GALNT8: variants seen among roughly 807,000 people sequenced by gnomAD.
GALNT8 encodes probable polypeptide N-acetylgalactosaminyltransferase 8.
Under a neutral mutation model 62.7 loss-of-function variants are expected in GALNT8, and 66 were observed. That is an observed-to-expected ratio of 1.05 (90% CI 0.86 to 1.29). GALNT8 has a LOEUF of 1.29. Among genes scored for constraint, GALNT8 ranks in the 50% most tolerant of loss-of-function variants. GALNT8 has a pLI of 0.00. For synonymous variants in GALNT8, 288 were observed against 294.3 expected, an observed-to-expected ratio of 0.98 and a Z score of 0.22; for missense variants, 771 against 791.8, an observed-to-expected ratio of 0.97 and a Z score of 0.32.
At chr12:4,724,520 C>T (rs1389874583) in intron 1 of GALNT8, among the ~76,000 whole-genome samples, 1 of 152,208 alleles carries the variant, frequency 6.6e-6, no homozygotes, top group Non-Finnish European at 1.5e-5. Context: ...CAAGGAAGAA[C>T]GCAGAGGAGC....
chr12:4,738,284 A>T (rs1430567768), intron 2 of GALNT8, among the ~76,000 whole-genome samples: 1 of 152,234 alleles, frequency 6.6e-6, no homozygotes, highest in East Asian at 1.9e-4. Context: ...CAAAATGGTC[A>T]TAGATGTAAA....
chr12:4,732,557 C>A (rs569701388), intron 2 of GALNT8, among the ~76,000 whole-genome samples: 5 of 81,056 alleles, frequency 6.2e-5, no homozygotes, highest in Middle Eastern at 5.7e-3. Context: ...ATCCAACCAA[C>A]AAACACTTTT....
chr12:4,735,655 C>A (rs1946241306), intron 2 of GALNT8, among the ~76,000 whole-genome samples: 1 of 152,178 alleles, frequency 6.6e-6, no homozygotes, highest in African/African-American at 2.4e-5. Flanking sequence ...ACACGGGGCT[C>A]CAGTTGCCCC....
At chr12:4,771,567 T>A (rs1298766746) in intron 10 of GALNT8, among the ~76,000 whole-genome samples, 2 of 152,174 alleles carry the variant, frequency 1.3e-5, no homozygotes, top group Non-Finnish European at 2.9e-5. Flanking sequence ...GGTGGCAGTT[T>A]GTCTGAAGGG....
chr12:4,725,265 T>G (rs1946189488), intron 1 of GALNT8, among the ~76,000 whole-genome samples: 1 of 152,196 alleles, frequency 6.6e-6, no homozygotes, highest in Non-Finnish European at 1.5e-5. Flanking sequence ...AAGGTGCATA[T>G]GCTAAGATAC....
chr12:4,764,529 G>GGTTT (rs1946389057), intron 9 of GALNT8, among the ~76,000 whole-genome samples: 1 of 99,754 alleles, frequency 1.0e-5, no homozygotes, highest in Non-Finnish European at 2.1e-5. Flanking sequence ...GCAGTCAGGG[G>GGTTT]ATTTTTTTTT....
rs566302412 is a variant in GALNT8 at position 4,720,791 on chromosome 12, G to C, written c.114G>C (p.Thr38=). The change falls in exon 1 of 11, where the codon ACG becomes ACC. Residue 38 remains threonine (T), a synonymous_variant. Coordinates refer to ENST00000252318, the MANE Select transcript of GALNT8 (RefSeq NM_017417.2). ...SSKGTLQNLF[T]GGLHRELPLH... is the part of the protein sequence containing the mutation. ...AGGGGACTTTACAAAACCTGTTTAC[G>C]GGTGGTCTCCACAGGGAGCTTCCTT... 6.2e-7 allele frequency: 1 copy of C among 1,611,544 alleles called. No homozygotes were observed. The highest frequency in any genetic ancestry group is 8.5e-7 in the Non-Finnish European group (1 of 1,177,638).
intron 1 of GALNT8, among the ~76,000 whole-genome samples, chr12:4,725,213 C>T (rs1199794296): frequency 6.6e-6 from 1 of 152,154 alleles, no homozygotes; most frequent in Admixed American, 6.5e-5. Context: ...GTTACTTTTT[C>T]TCTCTTTTTG....
At chr12:4,760,864 T>TAA (rs1946368234) in intron 6 of GALNT8, 94 bp from the exon 7 acceptor site, 3 of 1,051,276 alleles carry the variant, frequency 2.9e-6, no homozygotes, top group Admixed American at 4.2e-5. Flanking sequence ...TTACATTCTT[T>TAA]AAAAACGGCT....
rs1311713010 is a variant in GALNT8 at position 4,764,063 on chromosome 12, T to G, written c.1593+16T>G. On this transcript the variant is annotated intron_variant, in intron 9 of 10. Transcript: ENST00000252318. ...CAGCTCACAGGTATCTTCCACAATC[T>G]TCCTGGCCCTGCCTGGGCAAGTCTG... The G allele has an allele frequency of 2.2e-6, 3 of 1,385,216 alleles. No individual in the cohort carries two copies. Among genetic ancestry groups the G allele is most frequent in the Non-Finnish European group, 3.1e-6 (3 of 970,092 alleles). 85.8% of individuals were successfully genotyped at this position (1,385,216 alleles called of 1,614,324 possible).
chr12:4,736,906 T>C (rs547843526), intron 2 of GALNT8, among the ~76,000 whole-genome samples: 12 of 152,288 alleles, frequency 7.9e-5, no homozygotes, highest in African/African-American at 2.9e-4. Context: ...TGGTAATGAC[T>C]TCAAAGACAT....
intron 6 of GALNT8, among the ~76,000 whole-genome samples, chr12:4,758,643 A>AGAG (rs1555070246): frequency 2.9e-5 from 2 of 68,222 alleles, no homozygotes; most frequent in African/African-American, 9.0e-5. Flanking sequence ...TGTGTGAGAG[A>AGAG]GAGAGAGAGA....
At chr12:4,759,083 T>G (rs865785242) in intron 6 of GALNT8, among the ~76,000 whole-genome samples, 30 of 152,184 alleles carry the variant, frequency 2.0e-4, no homozygotes, top group Non-Finnish European at 4.4e-5. Context: ...GCCTCAGCAA[T>G]CTTGACTTTT....
chr12:4,738,086 C>T (rs1946253676), intron 2 of GALNT8, among the ~76,000 whole-genome samples: 1 of 152,212 alleles, frequency 6.6e-6, no homozygotes. Flanking sequence ...TTAGCTCCCT[C>T]TATCCTTTTA....
rs187819751 is a variant in GALNT8 at position 4,753,970 on chromosome 12, C to T, written c.1174-6988C>T. The stretch of plus-strand genomic sequence containing the variant: ...CACCTTGATGGTCTTGGATAAGATC[C>T]GGGAGAATCCTGTGGATTACCAGGC... On this transcript the variant is annotated intron_variant, in intron 6 of 10. Transcript: ENST00000252318. 2.8e-4 allele frequency among the ~76,000 whole-genome samples: 42 copies of T among 152,286 alleles called. 1 individual carries two copies. Among genetic ancestry groups the T allele is most frequent in the African/African-American group, 8.7e-4 (36 of 41,552 alleles).
At chr12:4,758,649 A>T (rs1437660358) in intron 6 of GALNT8, among the ~76,000 whole-genome samples, 14 of 149,472 alleles carry the variant, frequency 9.4e-5, no homozygotes, top group African/African-American at 3.5e-4. Flanking sequence ...AGAGAGAGAG[A>T]GAGAGAGAGA....
At chr12:4,727,566 T>G (rs1431613910) in intron 2 of GALNT8, among the ~76,000 whole-genome samples, 1 of 152,238 alleles carries the variant, frequency 6.6e-6, no homozygotes, top group Non-Finnish European at 1.5e-5. Context: ...TTTATCCCTA[T>G]GGATTTGTCT....
At chr12:4,770,660 T>A (rs1946420112) in intron 10 of GALNT8, among the ~76,000 whole-genome samples, 1 of 152,156 alleles carries the variant, frequency 6.6e-6, no homozygotes, top group Admixed American at 6.5e-5. Context: ...ACCCATGAAG[T>A]AACTGGGGCA....
intron 6 of GALNT8, among the ~76,000 whole-genome samples, chr12:4,748,660 C>G (rs1946310594): frequency 6.6e-6 from 1 of 152,082 alleles, no homozygotes; most frequent in Admixed American, 6.6e-5. Flanking sequence ...AATGTGATTC[C>G]TCCAGTTTTG....
Sources: gnomAD v4.1 joint callset for allele counts (sites outside exome capture counted in the v4.1 genomes callset) on GRCh38, gnomAD v4.1.1 for gene constraint, MANE v1.5 for transcripts, NCBI Gene and HGNC (gene_info 2026-07-23, HGNC 2026-07-21) for gene names.